The following SERGEF variants were observed in gnomAD, a reference collection of about 807,000 sequenced individuals.
SERGEF encodes the protein secretion regulating guanine nucleotide exchange factor.
SERGEF carries 51 observed loss-of-function variants against 50.0 expected under a neutral mutation model. The observed-to-expected ratio is 1.02, with a 90% confidence interval of 0.81 to 1.29. The LOEUF (loss-of-function observed/expected upper bound fraction) is 1.29, where lower values mean the gene tolerates loss of function less well. Among genes scored for constraint, SERGEF ranks in the 50% most tolerant of loss-of-function variants. The pLI, the probability that SERGEF is intolerant of heterozygous loss-of-function variation, is 0.00. For synonymous variants in SERGEF, 205 were observed against 212.4 expected (o/e 0.97, Z 0.30); for missense variants, 521 against 557.0 (o/e 0.94, Z 0.65).
chr11:17,817,840 C>G (rs1295175269), intron 10 of SERGEF, among the ~76,000 whole-genome samples: 1 of 152,192 alleles, frequency 6.6e-6, no homozygotes, highest in African/African-American at 2.4e-5. Flanking sequence ...CTCAAGCTCT[C>G]CTTGGTAAGG....
At chr11:17,920,478 C>T (rs955295352) in intron 9 of SERGEF, among the ~76,000 whole-genome samples, 13 of 152,224 alleles carry the variant, frequency 8.5e-5, no homozygotes, top group Non-Finnish European at 4.4e-5. Flanking sequence ...GTGGCTGGCA[C>T]ATAACTGTGC....
chr11:17,866,810 G>A (rs972050385), intron 10 of SERGEF: 2 of 152,230 alleles, frequency 1.3e-5, no homozygotes, highest in Non-Finnish European at 2.9e-5. Context: ...TGGTTGGGGA[G>A]GCCTCACAAT....
rs1233790938 is a variant in SERGEF, at chr11:17,896,747, C to CGGAAGGGTAACGGAAGGGTAAG, written c.1012-18504_1012-18503insCTTACCCTTCCGTTACCCTTCC. ...TAACGGAAGGGTAACGGAAGGGTAA[C>CGGAAGGGTAACGGAAGGGTAAG]GGAAGGGTAAGGGAAGGGAAGGGTA... On this transcript the variant is annotated intron_variant, in intron 9 of 10. Transcript: ENST00000265965. Among the ~76,000 whole-genome samples the CGGAAGGGTAACGGAAGGGTAAG allele has an allele frequency of 2.0e-4, 12 of 61,348 alleles. 1 individual carries two copies. The highest frequency in any genetic ancestry group is 3.6e-4 in the Non-Finnish European group (11 of 30,954). The allele number at this position is 61,348 out of a possible 152,430, so 40.2% of individuals were successfully genotyped here.
chr11:17,976,339 G>A (rs1271083119), intron 8 of SERGEF, among the ~76,000 whole-genome samples: 1 of 152,072 alleles, frequency 6.6e-6, no homozygotes, highest in Admixed American at 6.5e-5. Context: ...AGGCTAGAGT[G>A]CAGTGGTGTG....
intron 9 of SERGEF, among the ~76,000 whole-genome samples, chr11:17,947,396 C>T (rs545890834): frequency 6.6e-6 from 1 of 152,344 alleles, no homozygotes; most frequent in South Asian, 2.1e-4. Flanking sequence ...AGAAACAGAA[C>T]ACAAACCCAA....
chr11:17,878,057 C>A (rs1016624937), intron 10 of SERGEF, 151 bp downstream of exon 10: 1 of 628,248 alleles, frequency 1.6e-6, no homozygotes, highest in Non-Finnish European at 2.8e-6. Flanking sequence ...TCTAGTAAAC[C>A]CTTGGTCAAC....
At chr11:17,968,375 C>T (rs1000200606) in intron 8 of SERGEF, among the ~76,000 whole-genome samples, 3 of 152,196 alleles carry the variant, frequency 2.0e-5, no homozygotes, top group Non-Finnish European at 2.9e-5. Flanking sequence ...ACTTTCTATA[C>T]ACCAGGTGCT....
At chr11:17,953,816 T>G (rs1852812799) in intron 9 of SERGEF, among the ~76,000 whole-genome samples, 1 of 152,186 alleles carries the variant, frequency 6.6e-6, no homozygotes, top group Non-Finnish European at 1.5e-5. Context: ...TGGGTGGTAG[T>G]AAGTGCTTGT....
chr11:18,009,711 C>T (rs191574591), intron 1 of SERGEF, among the ~76,000 whole-genome samples: 72 of 152,198 alleles, frequency 4.7e-4, no homozygotes, highest in Middle Eastern at 6.8e-3. Flanking sequence ...CCTTGACAGG[C>T]AATATGTCTA....
At chr11:17,848,216 G>T (rs1850649158) in intron 10 of SERGEF, among the ~76,000 whole-genome samples, 3 of 152,152 alleles carry the variant, frequency 2.0e-5, no homozygotes, top group Admixed American at 2.0e-4. Flanking sequence ...ATGTGTTAGA[G>T]CCAAGTTACA....
At chr11:17,792,480 T>C (rs1849499162) in intron 10 of SERGEF, among the ~76,000 whole-genome samples, 1 of 152,170 alleles carries the variant, frequency 6.6e-6, no homozygotes, top group Admixed American at 6.5e-5. Flanking sequence ...AGTGGGAAGC[T>C]GGCAGGTGCC....
Position 17,900,775 on chromosome 11 carries a change from C to A in SERGEF, c.1012-22531G>T, listed in dbSNP as rs574216440. 2.6e-5 allele frequency among the ~76,000 whole-genome samples: 4 copies of A among 152,256 alleles called. No homozygotes were observed. The South Asian group carries it at 6.2e-4, about 24-fold the overall frequency. ...TGTGTGGAAGCATACAATGGGGAGACTGGCCTTAGGAAATACCAAGTGACA... is the reference window on the plus strand; with the variant it reads ...TGTGTGGAAGCATACAATGGGGAGAATGGCCTTAGGAAATACCAAGTGACA... On this transcript the variant is annotated intron_variant, in intron 9 of 10. Transcript: ENST00000265965.
chr11:17,992,924 T>C lies in SERGEF; in HGVS notation c.685+7A>G. On this transcript the variant is annotated splice_region_variant and intron_variant, in intron 7 of 10. Transcript: ENST00000265965. ...GCATGTTAAACCGTGAAAGAGCTGGTACCTACCTGTTAATGAAGCTGAGTG... is the reference window on the plus strand; with the variant it reads ...GCATGTTAAACCGTGAAAGAGCTGGCACCTACCTGTTAATGAAGCTGAGTG... 1 of 1,612,912 alleles carries C rather than the reference T, an allele frequency of 6.2e-7. No individual in the cohort carries two copies. Among genetic ancestry groups the C allele is most frequent in the Non-Finnish European group, 8.5e-7 (1 of 1,178,874 alleles).
rs1479475956 is a variant in SERGEF, at chr11:17,944,289, T to G, written c.1011+15181A>C. 2.6e-5 allele frequency among the ~76,000 whole-genome samples: 4 copies of G among 152,186 alleles called. 1 individual carries two copies. The highest frequency in any genetic ancestry group is 5.9e-5 in the Non-Finnish European group (4 of 68,032). ...AACTTGATGCCCCATTATTCTAATA[T>G]GTCAGTGTGTTTGCCACCAAAATTG... is the stretch of plus-strand genomic sequence containing the variant. On this transcript the variant is annotated intron_variant, in intron 9 of 10. Transcript: ENST00000265965.
At chr11:17,906,946 G>A (rs1052502205) in intron 9 of SERGEF, among the ~76,000 whole-genome samples, 1 of 151,988 alleles carries the variant, frequency 6.6e-6, no homozygotes, top group Non-Finnish European at 1.5e-5. Flanking sequence ...TGGAGCCACA[G>A]TTGTCCAAGT....
chr11:17,821,494 G>A lies in SERGEF; in HGVS notation c.1049-33081C>T, dbSNP rs139516672. On this transcript the variant is annotated intron_variant, in intron 10 of 10. Coordinates refer to ENST00000265965, the MANE Select transcript of SERGEF (RefSeq NM_012139.4). ...ATGATTAGCATGGCACCAGGTAGAC[G>A]GTAGGTGCTCCATACATTTTTTTAA... Among the ~76,000 whole-genome samples, 814 of 152,180 alleles carry A rather than the reference G, an allele frequency of 5.3e-3. 2 individuals are homozygous for A. The highest frequency in any genetic ancestry group is 0.016 in the African/African-American group (653 of 41,534).
intron 9 of SERGEF, among the ~76,000 whole-genome samples, chr11:17,925,673 G>A (rs1852237619): frequency 6.6e-6 from 1 of 151,900 alleles, no homozygotes. Context: ...ATGCACACAG[G>A]GAGGCACATT....
chr11:17,946,372 A>G (rs1852662095), intron 9 of SERGEF, among the ~76,000 whole-genome samples: 1 of 152,188 alleles, frequency 6.6e-6, no homozygotes, highest in Non-Finnish European at 1.5e-5. Context: ...GATTAAAGAG[A>G]TGGTGCCTAG....
At chr11:17,860,213 G>C (rs1049732205) in intron 10 of SERGEF, among the ~76,000 whole-genome samples, 9 of 151,980 alleles carry the variant, frequency 5.9e-5, no homozygotes, top group Non-Finnish European at 1.2e-4. Flanking sequence ...ATTAGTAATT[G>C]GTATATAGAA....
Sources: allele counts gnomAD v4.1 joint callset (sites outside exome capture counted in the v4.1 genomes callset), GRCh38; gene constraint gnomAD v4.1.1; transcripts MANE v1.5; gene names NCBI Gene and HGNC (gene_info 2026-07-23, HGNC 2026-07-21).